The following CACNA2D3 variants were observed in gnomAD, a reference collection of about 807,000 sequenced individuals.
CACNA2D3 encodes calcium voltage-gated channel auxiliary subunit alpha2delta 3.
A neutral mutation model predicts 160.6 loss-of-function variants in CACNA2D3; 60 were observed. The ratio of observed to expected loss-of-function variants is 0.37; its 90% CI spans 0.30 to 0.46. The LOEUF (loss-of-function observed/expected upper bound fraction) is 0.46. Ranked by LOEUF, CACNA2D3 falls within the 20% of genes least tolerant of loss-of-function variation. The pLI, the probability that CACNA2D3 is intolerant of heterozygous loss-of-function variation, is 1.00. For missense variants in CACNA2D3, 1,205 were observed against 1,365.0 expected (o/e 0.88, Z 1.85); for synonymous variants, 558 against 492.9 (o/e 1.13, Z -1.75).
chr3:54,791,720 G>A (rs903111227), intron 13 of CACNA2D3, among the ~76,000 whole-genome samples: 1 of 152,116 alleles, frequency 6.6e-6, no homozygotes, highest in African/African-American at 2.4e-5. Context: ...TAATTAAGTT[G>A]TCTCAAAAGT....
chr3:54,615,549 A>G (rs568281697), intron 9 of CACNA2D3, among the ~76,000 whole-genome samples: 1 of 152,372 alleles, frequency 6.6e-6, no homozygotes, highest in Non-Finnish European at 1.5e-5. Flanking sequence ...TATCTCAATC[A>G]ATCACAATGA....
chr3:54,711,155 A>C (rs1455343511), intron 11 of CACNA2D3, among the ~76,000 whole-genome samples: 1 of 152,152 alleles, frequency 6.6e-6, no homozygotes, highest in African/African-American at 2.4e-5. Context: ...AAGCCAGCTT[A>C]CCTCTCTGAG....
intron 2 of CACNA2D3, among the ~76,000 whole-genome samples, chr3:54,311,088 G>A (rs1421285221): frequency 6.6e-6 from 1 of 152,178 alleles, no homozygotes; most frequent in Non-Finnish European, 1.5e-5. Flanking sequence ...AAGCCAAGCG[G>A]GATGCTGCTA....
intron 2 of CACNA2D3, among the ~76,000 whole-genome samples, chr3:54,141,081 G>GTGTGTGTT (rs1245542056): frequency 8.2e-6 from 1 of 122,632 alleles, no homozygotes; most frequent in African/African-American, 3.4e-5. Context: ...GTGTGTGTGT[G>GTGTGTGTT]TGTGTGCGCG....
rs181024869 is a variant in CACNA2D3, at chr3:54,722,259, A to G, written c.1168-30340A>G. On this transcript the variant is annotated intron_variant, in intron 11 of 37. Transcript: ENST00000474759. ...TTCTCATGCTGTGTTTTTCACCTCC[A>G]TCAGGTCATTTATGTTCTCTACACT... Among the ~76,000 whole-genome samples the G allele has an allele frequency of 1.1e-4, 17 of 152,246 alleles. No homozygotes were observed. The East Asian group carries it at 3.3e-3, about 29-fold the overall frequency.
chr3:54,836,182 C>T (rs1275095016), intron 14 of CACNA2D3, among the ~76,000 whole-genome samples: 2 of 149,426 alleles, frequency 1.3e-5, no homozygotes, highest in African/African-American at 2.5e-5. Context: ...GGTTTACAGA[C>T]GTGAATCACA....
intron 3 of CACNA2D3, among the ~76,000 whole-genome samples, chr3:54,386,366 A>G (rs1221956365): frequency 6.6e-6 from 1 of 152,234 alleles, no homozygotes; most frequent in Non-Finnish European, 1.5e-5. Flanking sequence ...ATCTTGACTA[A>G]GGGCGTTCTA....
At chr3:54,185,266 C>T (rs1339327800) in intron 2 of CACNA2D3, among the ~76,000 whole-genome samples, 2 of 152,252 alleles carry the variant, frequency 1.3e-5, no homozygotes, top group South Asian at 2.1e-4. Context: ...GAAATACTTA[C>T]ATCAGAATTG....
At position 54,321,041 on chromosome 3, in the gene CACNA2D3, C is replaced by T. The variant is rs535561180; in HGVS notation, c.321+483C>T. On this transcript the variant is annotated intron_variant, in intron 3 of 37. Transcript: ENST00000474759. ...GAGTTATTTGAAAGTTTTTATTGGC[C>T]GGGCGCGGTGGCTCATGCCTGTAAT... 9.9e-5 allele frequency among the ~76,000 whole-genome samples: 15 copies of T among 152,244 alleles called. No homozygotes were observed. The East Asian group carries it at 1.9e-3, about 20-fold the overall frequency.
chr3:54,463,608 G>A (rs889066308), intron 4 of CACNA2D3, among the ~76,000 whole-genome samples: 2 of 152,040 alleles, frequency 1.3e-5, no homozygotes, highest in African/African-American at 2.4e-5. Flanking sequence ...CTCGAGCCTT[G>A]GCTTTCAGCT....
chr3:54,609,833 T>A (rs1301088387), intron 9 of CACNA2D3, among the ~76,000 whole-genome samples: 1 of 152,216 alleles, frequency 6.6e-6, no homozygotes, highest in Admixed American at 6.5e-5. Context: ...GGTGGTGATT[T>A]GGGAAATGTT....
In CACNA2D3 at chr3:55,009,435, C is replaced by T. The variant is rs1291850320; in HGVS notation, c.2867C>T (p.Thr956Ile). 6.2e-7 allele frequency: 1 copy of T among 1,613,726 alleles called. No homozygotes were observed. Among genetic ancestry groups the T allele is most frequent in the Admixed American group, 1.7e-5 (1 of 60,020 alleles). ...NLCSWWHSDM[T>I]AKAQKLKQTL... ...TGCAGTTGGTGGCACTCCGATATGA[C>T]AGCTAAAGGTGAGCAGCAACTGGTT... The change falls in exon 34 of 38, where the codon ACA becomes ATA. Residue 956 changes from threonine to isoleucine, a missense_variant. Transcript: ENST00000474759.
chr3:54,534,155 C>G (rs2106647079), intron 5 of CACNA2D3, among the ~76,000 whole-genome samples: 1 of 152,254 alleles, frequency 6.6e-6, no homozygotes, highest in African/African-American at 2.4e-5. Flanking sequence ...GTGATTGCCT[C>G]TTAAGTGACA....
intron 9 of CACNA2D3, among the ~76,000 whole-genome samples, chr3:54,617,263 TC>T (rs1698874511): frequency 6.6e-6 from 1 of 152,194 alleles, no homozygotes; most frequent in Admixed American, 6.5e-5. Flanking sequence ...CTGTACCTCT[TC>T]TGAGAAGCTG....
chr3:54,656,742 G>C (rs1375919209), intron 11 of CACNA2D3, among the ~76,000 whole-genome samples: 1 of 152,242 alleles, frequency 6.6e-6, no homozygotes, highest in Non-Finnish European at 1.5e-5. Context: ...AGATGGATTT[G>C]TTTTACCAGA....
chr3:54,557,635 G>C (rs1702260632), intron 5 of CACNA2D3, among the ~76,000 whole-genome samples: 1 of 152,192 alleles, frequency 6.6e-6, no homozygotes, highest in Non-Finnish European at 1.5e-5. Flanking sequence ...TTGGAGGCAA[G>C]CACCATGGAT....
intron 12 of CACNA2D3, among the ~76,000 whole-genome samples, chr3:54,762,445 G>A (rs1223639323): frequency 6.6e-6 from 1 of 152,184 alleles, no homozygotes; most frequent in African/African-American, 2.4e-5. Context: ...TGTGCCTGTT[G>A]TAAGTTTTAG....
chr3:54,460,694 C>T (rs1330388236), intron 4 of CACNA2D3, among the ~76,000 whole-genome samples: 1 of 152,164 alleles, frequency 6.6e-6, no homozygotes, highest in Non-Finnish European at 1.5e-5. Flanking sequence ...ATGGGGTTTT[C>T]TAGATATACA....
intron 16 of CACNA2D3, among the ~76,000 whole-genome samples, chr3:54,844,246 A>G (rs1698884510): frequency 6.6e-6 from 1 of 152,136 alleles, no homozygotes; most frequent in Non-Finnish European, 1.5e-5. Flanking sequence ...GAAAAGTAGG[A>G]AGATTTGAGG....
Sources: allele counts gnomAD v4.1 joint callset (sites outside exome capture counted in the v4.1 genomes callset), GRCh38; gene constraint gnomAD v4.1.1; transcripts MANE v1.5; gene names NCBI Gene and HGNC (gene_info 2026-07-23, HGNC 2026-07-21).